The following ZNF568 variants were observed in gnomAD, a reference collection of about 807,000 sequenced individuals.
The protein encoded by ZNF568 is zinc finger protein 568, also known as p53 inhibitor of SCO2 activation.
Under a neutral mutation model 18.1 loss-of-function variants are expected in ZNF568, and 11 were observed. The observed-to-expected ratio is 0.61, with a 90% CI of 0.38 to 1.00. The LOEUF is 1.00. Among genes scored for constraint, ZNF568 ranks in the 50% least tolerant of loss-of-function variants. The pLI is 0.01. For missense variants in ZNF568, 639 were observed against 768.2 expected, an observed-to-expected ratio of 0.83 and a Z score of 1.99; for synonymous variants, 213 against 246.6, an observed-to-expected ratio of 0.86 and a Z score of 1.28.
At chr19:36,940,213 T>C (rs1475801628) in intron 6 of ZNF568, among the ~76,000 whole-genome samples, 1 of 152,238 alleles carries the variant, frequency 6.6e-6, no homozygotes, top group East Asian at 1.9e-4. Flanking sequence ...CATTGGAATA[T>C]GTATCTTTAA....
At chr19:36,956,665 T>TGGCTCACTGAAACCTCTGCCTCCCA (rs1290344389), downstream of ZNF568, among the ~76,000 whole-genome samples, 2 of 152,080 alleles carry the variant, frequency 1.3e-5, no homozygotes, top group Non-Finnish European at 2.9e-5. Flanking sequence ...GATGCAATCT[T>TGGCTCACTGAAACCTCTGCCTCCCA]GGCTCACTGA....
At chr19:36,947,617 C>T (rs2073989078) in intron 6 of ZNF568, among the ~76,000 whole-genome samples, 1 of 152,264 alleles carries the variant, frequency 6.6e-6, no homozygotes, top group South Asian at 2.1e-4. Context: ...TGTAACTGCT[C>T]CCTACTCAGA....
At chr19:36,945,048 T>C (rs2073939949) in intron 6 of ZNF568, among the ~76,000 whole-genome samples, 2 of 152,166 alleles carry the variant, frequency 1.3e-5, no homozygotes, top group African/African-American at 4.8e-5. Flanking sequence ...TATTTTTTCA[T>C]ATGTAAAATA....
intron 2 of ZNF568, among the ~76,000 whole-genome samples, chr19:36,987,395 T>TTTAG (rs758337464): frequency 2.1e-4 from 32 of 152,136 alleles, no homozygotes; most frequent in Non-Finnish European, 4.0e-4. Context: ...AGAATGAGGT[T>TTTAG]TTAGTTTTAG....
chr19:36,964,656 T>A (rs1449517563), intron 6 of ZNF568, among the ~76,000 whole-genome samples: 1 of 151,984 alleles, frequency 6.6e-6, no homozygotes, highest in Non-Finnish European at 1.5e-5. Context: ...CTACAAAAAA[T>A]TTTTAAAAAA....
At chr19:36,975,855 C>G (rs2074281071) in intron 7 of ZNF568, among the ~76,000 whole-genome samples, 1 of 151,466 alleles carries the variant, frequency 6.6e-6, no homozygotes, top group Non-Finnish European at 1.5e-5. Flanking sequence ...GCCACCATGC[C>G]CAGCTAGTTT....
chr19:36,980,887 C>CAAT (rs889940887), downstream of ZNF568, among the ~76,000 whole-genome samples: 1 of 152,144 alleles, frequency 6.6e-6, no homozygotes, highest in Non-Finnish European at 1.5e-5. Flanking sequence ...GTCCCAAGAC[C>CAAT]GATTACATGG....
exon 4 of ZNF568, chr19:36,991,777 A>G (rs866302142): frequency 6.3e-7 from 1 of 1,579,742 alleles, no homozygotes. Flanking sequence ...GCCAAATGTG[A>G]TCTCCTTATT....
chr19:36,934,565 G>A (rs535957693), intron 4 of ZNF568, among the ~76,000 whole-genome samples: 4 of 151,846 alleles, frequency 2.6e-5, no homozygotes, highest in South Asian at 4.2e-4. Flanking sequence ...CAAGCAATCC[G>A]CCTGCCTCGG....
chr19:36,951,125 C>A lies in ZNF568; in HGVS notation c.*37C>A. ...CCTCTTAAATTCAACCCATGTTTTA[C>A]TTAAAATATCTTGGCATAAGCTCAA... On this transcript the variant is annotated 3_prime_UTR_variant, in exon 7 of 7. Transcript: ENST00000333987. The A allele has an allele frequency of 1.4e-6, 2 of 1,469,704 alleles. No individual in the cohort carries two copies. The highest frequency in any genetic ancestry group is 1.8e-6 in the Non-Finnish European group (2 of 1,113,878). 91.0% of individuals were successfully genotyped at this position (1,469,704 alleles called of 1,614,324 possible).
intron 2 of ZNF568, among the ~76,000 whole-genome samples, chr19:36,921,419 C>T (rs890238620): frequency 1.3e-5 from 2 of 151,742 alleles, no homozygotes; most frequent in Non-Finnish European, 2.9e-5. Flanking sequence ...TGAGATTGTG[C>T]CATTGCACTC....
In ZNF568 at chr19:36,951,077, C is replaced by T. The variant is rs759543369; in HGVS notation, c.1924C>T (p.Gln642Ter). ...GAGAGGTCATACAGGTGAGAGACAC[C>T]AAGTATATTAAATGAAAGAAGGCCT... The part of the protein sequence containing the change: ...HKRGHTGERH[Q>*]VY Residue 642 changes from glutamine (Q) to a stop codon, truncating the protein, a stop_gained, in exon 7 of 7, where the codon CAA (glutamine) becomes TAA (stop). Transcript: ENST00000333987. LOFTEE classifies it high-confidence loss of function. 7.2e-6 allele frequency: 11 copies of T among 1,527,192 alleles called. No individual in the cohort carries two copies. Among genetic ancestry groups the T allele is most frequent in the African/African-American group, 2.8e-5 (2 of 71,580 alleles). The allele number at this position is 1,527,192 out of a possible 1,614,324, so 94.6% of individuals were successfully genotyped here. A position where few individuals can be genotyped will look rare whatever the true frequency, so the allele number is the denominator to read the frequency against.
intron 6 of ZNF568, among the ~76,000 whole-genome samples, chr19:36,945,968 G>A (rs917294478): frequency 2.0e-5 from 3 of 151,848 alleles, no homozygotes; most frequent in Non-Finnish European, 2.9e-5. Context: ...GGTGGTGTGC[G>A]CCTGTAGTTC....
intron 2 of ZNF568, among the ~76,000 whole-genome samples, chr19:36,919,935 GCCTAC>G (rs1181776047): frequency 6.6e-6 from 1 of 152,068 alleles, no homozygotes; most frequent in Admixed American, 6.5e-5. Flanking sequence ...TGGTTCATGT[GCCTAC>G]TATACTATAC....
chr19:36,981,838 C>T (rs2074333917), downstream of ZNF568, among the ~76,000 whole-genome samples: 2 of 151,828 alleles, frequency 1.3e-5, no homozygotes, highest in South Asian at 4.1e-4. Context: ...TATGCCACTA[C>T]ACTCCAGCCT....
downstream of ZNF568, among the ~76,000 whole-genome samples, chr19:36,981,894 T>A (rs552739443): frequency 1.3e-5 from 2 of 151,786 alleles, no homozygotes; most frequent in Non-Finnish European, 2.9e-5. Flanking sequence ...GTAAATAAAA[T>A]AAAATATAAT....
chr19:36,996,689 C>T (rs570648267), exon 5 of ZNF568: 58 of 1,535,904 alleles, frequency 3.8e-5, no homozygotes, highest in South Asian at 1.7e-4. Flanking sequence ...AAGCATCAGA[C>T]GCTTCATGAA....
intron 4 of ZNF568, among the ~76,000 whole-genome samples, chr19:36,927,288 A>G (rs910836220): frequency 6.6e-6 from 1 of 152,196 alleles, no homozygotes; most frequent in Non-Finnish European, 1.5e-5. Context: ...CCTAATTAAT[A>G]TTAGATCATA....
At chr19:36,942,625 A>G (rs1287625831) in intron 6 of ZNF568, among the ~76,000 whole-genome samples, 2 of 146,902 alleles carry the variant, frequency 1.4e-5, no homozygotes, top group East Asian at 3.9e-4. Flanking sequence ...AAAGAAGAAT[A>G]GAGAGATAAT....
Sources: allele counts gnomAD v4.1 joint callset (sites outside exome capture counted in the v4.1 genomes callset), GRCh38; gene constraint gnomAD v4.1.1; transcripts MANE v1.5; gene names NCBI Gene and HGNC (gene_info 2026-07-23, HGNC 2026-07-21).